DNAJC9: variants seen among roughly 807,000 people sequenced by gnomAD.
DNAJC9 encodes the protein DnaJ heat shock protein family (Hsp40) member C9.
DNAJC9 carries 18 observed loss-of-function variants against 32.4 expected under a neutral mutation model. The ratio of observed to expected loss-of-function variants is 0.56; its 90% CI spans 0.38 to 0.82. The LOEUF (loss-of-function observed/expected upper bound fraction) is 0.82, where lower values mean the gene tolerates loss of function less well. Ranked by LOEUF, DNAJC9 falls within the 40% of genes least tolerant of loss-of-function variation. DNAJC9 has a pLI of 0.00. For synonymous variants in DNAJC9, 113 were observed against 122.1 expected (o/e 0.93, Z 0.49); for missense variants, 310 against 321.8 (o/e 0.96, Z 0.28).
downstream of DNAJC9, chr10:73,239,084 T>TAATAATATTGAAGAATCTGC (rs2043886970): frequency 4.2e-6 from 2 of 470,604 alleles, no homozygotes; most frequent in Non-Finnish European, 7.6e-6. Flanking sequence ...AACGGCATAG[T>TAATAATATTGAAGAATCTGC]AATAATATTG....
At position 73,243,835 on chromosome 10, in the gene DNAJC9, A is replaced by C. The variant is rs1367854826; in HGVS notation, c.663+8T>G. On this transcript the variant is annotated splice_region_variant and intron_variant, in intron 4 of 4. Coordinates refer to ENST00000372950, the MANE Select transcript of DNAJC9 (RefSeq NM_015190.5). ...ATTAAAGATGTGGCAACAAACTGCC[A>C]AGTTTACCTGAATGGCTGCCTTCAG... 1 of 1,610,124 alleles carries C rather than the reference A, an allele frequency of 6.2e-7. No individual in the cohort carries two copies. Among genetic ancestry groups the C allele is most frequent in the Non-Finnish European group, 8.5e-7 (1 of 1,178,542 alleles).
At chr10:73,245,249 TC>T (rs2043992919) in intron 3 of DNAJC9, among the ~76,000 whole-genome samples, 1 of 152,166 alleles carries the variant, frequency 6.6e-6, no homozygotes, top group Admixed American at 6.5e-5. Flanking sequence ...GCAGAAAAGT[TC>T]CTGAGGGCAC....
rs541331218 is a variant in DNAJC9 at position 73,243,823 on chromosome 10, C to A, written c.663+20G>T. 900 of 1,601,650 alleles carry A rather than the reference C, an allele frequency of 5.6e-4. 10 individuals are homozygous for A. The South Asian group carries it at 9.4e-3, about 17-fold the overall frequency. ...AGGAATCAGATCATTAAAGATGTGGCAACAAACTGCCAAGTTTACCTGAAT... is the reference window on the plus strand; with the variant it reads ...AGGAATCAGATCATTAAAGATGTGGAAACAAACTGCCAAGTTTACCTGAAT... On this transcript the variant is annotated intron_variant, in intron 4 of 4. Transcript: ENST00000372950.
chr10:73,236,548 G>A (rs974893033), downstream of DNAJC9, among the ~76,000 whole-genome samples: 4 of 151,700 alleles, frequency 2.6e-5, no homozygotes, highest in Admixed American at 2.6e-4. Context: ...CGAATAGCTG[G>A]GACTACAGGT....
chr10:73,246,933 CG>C, intron 1 of DNAJC9, 76 bp downstream of exon 1: 1 of 1,576,772 alleles, frequency 6.3e-7, no homozygotes, highest in Non-Finnish European at 8.6e-7. Context: ...CGCGCTCCCC[CG>C]GGGCGGGGCC....
At chr10:73,239,098 A>G (rs561947612), downstream of DNAJC9, 432 of 498,650 alleles carry the variant, frequency 8.7e-4, 5 homozygotes, top group Admixed American at 8.2e-4. Context: ...AATATTGAAG[A>G]ATCTGCAATT....
At chr10:73,235,529 A>C, downstream of DNAJC9, 2 of 1,170,008 alleles carry the variant, frequency 1.7e-6, no homozygotes, top group Non-Finnish European at 2.3e-6. Context: ...AGAAATCACA[A>C]ATATTCTAAG....
chr10:73,241,829 C>T (rs963666068), downstream of DNAJC9: 2 of 152,140 alleles, frequency 1.3e-5, no homozygotes, highest in African/African-American at 4.8e-5. Flanking sequence ...GTATAATTCC[C>T]TAAAAGTTTA....
intron 3 of DNAJC9, among the ~76,000 whole-genome samples, chr10:73,244,670 AG>A (rs1359320516): frequency 4.0e-5 from 6 of 150,360 alleles, no homozygotes; most frequent in Non-Finnish European, 7.3e-5. Flanking sequence ...CAATAAACTC[AG>A]TTTTAACATC....
intron 2 of DNAJC9, 109 bp downstream of exon 2, chr10:73,246,578 TC>T (rs1295843071): frequency 9.9e-6 from 13 of 1,312,606 alleles, no homozygotes; most frequent in Non-Finnish European, 2.1e-6. Context: ...AACTCAAAAT[TC>T]CTAATTCCTA....
At chr10:73,235,259 C>G, downstream of DNAJC9, 2 of 1,552,036 alleles carry the variant, frequency 1.3e-6, no homozygotes, top group Non-Finnish European at 8.7e-7. Flanking sequence ...TCAGCAGCCA[C>G]AAGAAAGGCT....
rs1030994643 is a variant in DNAJC9, at chr10:73,243,131, T to C, written c.*269A>G. On this transcript the variant is annotated 3_prime_UTR_variant, in exon 5 of 5. Coordinates refer to ENST00000372950, the MANE Select transcript of DNAJC9 (RefSeq NM_015190.5). Reference sequence around the variant, plus strand: ...TGTACAGAAGATCCATGGAGGCAAGTGCTGTCAGGAAGGACACTGCCTCCC... The same window carrying C: ...TGTACAGAAGATCCATGGAGGCAAGCGCTGTCAGGAAGGACACTGCCTCCC... The C allele has an allele frequency of 6.1e-5, 25 of 408,868 alleles. No individual in the cohort carries two copies. Among genetic ancestry groups the C allele is most frequent in the Non-Finnish European group, 1.0e-4 (23 of 222,330 alleles). The allele number at this position is 408,868 out of a possible 1,614,324, so 25.3% of individuals were successfully genotyped here.
At position 73,243,948 on chromosome 10, in the gene DNAJC9, T is replaced by G. The variant is rs200313574; in HGVS notation, c.577-19A>C. The G allele has an allele frequency of 6.9e-5, 111 of 1,609,166 alleles. No individual in the cohort carries two copies. The highest frequency in any genetic ancestry group is 8.9e-5 in the Non-Finnish European group (105 of 1,176,848). On this transcript the variant is annotated intron_variant, in intron 3 of 4. Transcript: ENST00000372950. ...CCTGAGCCTGAAACAGGAACTCACA[T>G]GAGACTCAGGGCCACCAGGAAATGC... is the stretch of plus-strand genomic sequence containing the variant.
rs2044001517 is a variant in DNAJC9, at chr10:73,245,927, T to C, written c.571A>G (p.Arg191Gly). 1.2e-6 allele frequency: 2 copies of C among 1,611,212 alleles called. No individual in the cohort carries two copies. The highest frequency in any genetic ancestry group is 1.7e-6 in the Non-Finnish European group (2 of 1,179,230). ...ESKQKMNARK[R>G]RAQEEAKEAE... ...CACAGTATTCAAAATCTTACCCTCC[T>C]TTTCCTTGCATTCATCTTTTGTTTC... is the stretch of plus-strand genomic sequence containing the variant. The change falls in exon 3 of 5, where the codon AGG (arginine) becomes GGG (glycine). Residue 191 changes from arginine (R) to glycine (G), a missense_variant. Transcript: ENST00000372950.
intron 3 of DNAJC9, among the ~76,000 whole-genome samples, chr10:73,245,013 GCTCAGTTTCAT>G (rs2133427501): frequency 6.6e-6 from 1 of 152,240 alleles, no homozygotes; most frequent in Non-Finnish European, 1.5e-5. Context: ...ATGCAGCTGT[GCTCAGTTTCAT>G]CTCAGGAAAT....
rs1198526369 is a variant in DNAJC9, at chr10:73,242,545, T to C, written c.*855A>G. On this transcript the variant is annotated 3_prime_UTR_variant, in exon 5 of 5. Coordinates refer to ENST00000372950, the MANE Select transcript of DNAJC9 (RefSeq NM_015190.5). Reference sequence around the variant, plus strand: ...TGTTTAATACATACAGTTTGACAAATTTGGATTTCACTCTTTGTTTTGATG... The same window carrying C: ...TGTTTAATACATACAGTTTGACAAACTTGGATTTCACTCTTTGTTTTGATG... 1 of 149,912 alleles carries C rather than the reference T, an allele frequency of 6.7e-6. No homozygotes were observed. Among genetic ancestry groups the C allele is most frequent in the Non-Finnish European group, 1.5e-5 (1 of 67,806 alleles). 9.3% of individuals were successfully genotyped at this position (149,912 alleles called of 1,614,324 possible).
At chr10:73,241,098 G>A (rs1260052662), downstream of DNAJC9, 2 of 834,108 alleles carry the variant, frequency 2.4e-6, no homozygotes, top group Non-Finnish European at 4.0e-6. Context: ...GTGATGCAGA[G>A]CTTGTATAGA....
chr10:73,240,677 AC>A (rs746749184), downstream of DNAJC9, among the ~76,000 whole-genome samples: 10 of 148,790 alleles, frequency 6.7e-5, no homozygotes, highest in Middle Eastern at 3.4e-3. Flanking sequence ...ATGCCACTGC[AC>A]CTCCAGCCTG....
chr10:73,244,134 G>GT (rs2043982351), intron 3 of DNAJC9: 1 of 560,672 alleles, frequency 1.8e-6, no homozygotes, highest in Non-Finnish European at 3.1e-6. Flanking sequence ...ATTACCATTT[G>GT]TTTTTTACCC....
Sources: gnomAD v4.1 joint callset for allele counts (sites outside exome capture counted in the v4.1 genomes callset) on GRCh38, gnomAD v4.1.1 for gene constraint, MANE v1.5 for transcripts, NCBI Gene and HGNC (gene_info 2026-07-23, HGNC 2026-07-21) for gene names.